Variants in SLCO6A1 observed in about 807,000 individuals in gnomAD.
The protein encoded by SLCO6A1 is solute carrier organic anion transporter family member 6A1.
Under a neutral mutation model 72.7 loss-of-function variants are expected in SLCO6A1, and 65 were observed. The ratio of observed to expected loss-of-function variants is 0.89; its 90% CI spans 0.73 to 1.10. The LOEUF (loss-of-function observed/expected upper bound fraction) is 1.10. SLCO6A1 is among the 50% of genes least tolerant of loss of function. The pLI, the probability that SLCO6A1 is intolerant of heterozygous loss-of-function variation, is 0.00. For synonymous variants in SLCO6A1, 314 were observed against 298.2 expected (o/e 1.05, Z -0.55); for missense variants, 874 against 872.6 (o/e 1.00, Z -0.02).
At chr5:102,488,911 G>A (rs1293424087) in intron 1 of SLCO6A1, among the ~76,000 whole-genome samples, 1 of 152,104 alleles carries the variant, frequency 6.6e-6, no homozygotes, top group Admixed American at 6.5e-5. Flanking sequence ...TAAGAATTAG[G>A]GCTTACATTC....
At chr5:102,467,190 T>C (rs540477490) in intron 4 of SLCO6A1, among the ~76,000 whole-genome samples, 92 of 152,220 alleles carry the variant, frequency 6.0e-4, no homozygotes, top group Admixed American at 1.8e-3. Context: ...TTGATTTTTG[T>C]ATATTGTGAT....
chr5:102,497,421 T>C (rs1449506086), intron 1 of SLCO6A1, among the ~76,000 whole-genome samples: 1 of 152,152 alleles, frequency 6.6e-6, no homozygotes, highest in Non-Finnish European at 1.5e-5. Context: ...CCAGAACTTC[T>C]CAGAGTTGGT....
chr5:102,471,685 A>T (rs1306991781), intron 4 of SLCO6A1, among the ~76,000 whole-genome samples: 1 of 152,218 alleles, frequency 6.6e-6, no homozygotes, highest in East Asian at 1.9e-4. Flanking sequence ...GTGTACACAA[A>T]CATTCAACAT....
At chr5:102,442,017 T>C (rs2112691556) in intron 6 of SLCO6A1, among the ~76,000 whole-genome samples, 1 of 152,266 alleles carries the variant, frequency 6.6e-6, no homozygotes, top group African/African-American at 2.4e-5. Context: ...TATTGAGAAC[T>C]GAATATTAAG....
chr5:102,423,791 A>C lies in SLCO6A1; in HGVS notation c.1277-3770T>G, dbSNP rs1230376858. Among the ~76,000 whole-genome samples the C allele has an allele frequency of 2.6e-5, 4 of 152,250 alleles. No individual in the cohort carries two copies. The East Asian group carries it at 7.7e-4, about 29-fold the overall frequency. ...AGCTGATCTAATAGACAACTACAGA[A>C]CTCTTCACCCCAAATTAACAGAATA... On this transcript the variant is annotated intron_variant, in intron 7 of 13. Coordinates refer to ENST00000506729, the MANE Select transcript of SLCO6A1 (RefSeq NM_173488.5).
intron 11 of SLCO6A1, among the ~76,000 whole-genome samples, chr5:102,390,419 A>G (rs1046804993): frequency 6.6e-6 from 1 of 152,150 alleles, no homozygotes; most frequent in African/African-American, 2.4e-5. Context: ...ACATTTTTAA[A>G]TTATATGCCT....
intron 7 of SLCO6A1, among the ~76,000 whole-genome samples, chr5:102,424,602 C>A (rs1748789395): frequency 6.6e-6 from 1 of 152,162 alleles, no homozygotes. Flanking sequence ...AGGCCAGTAA[C>A]AAGTTCTGAA....
chr5:102,377,689 A>C (rs1173757368), intron 12 of SLCO6A1, among the ~76,000 whole-genome samples: 1 of 151,816 alleles, frequency 6.6e-6, no homozygotes, highest in Non-Finnish European at 1.5e-5. Context: ...ATAGATAGAT[A>C]TAGAAACAAT....
chr5:102,489,882 G>A (rs1752597937), intron 1 of SLCO6A1, among the ~76,000 whole-genome samples: 1 of 152,102 alleles, frequency 6.6e-6, no homozygotes, highest in Non-Finnish European at 1.5e-5. Context: ...AGAAAATGTG[G>A]TATATATACA....
chr5:102,407,607 C>T (rs1051083098), intron 9 of SLCO6A1, among the ~76,000 whole-genome samples: 3 of 152,134 alleles, frequency 2.0e-5, no homozygotes, highest in Admixed American at 1.3e-4. Context: ...TTGGATAAAC[C>T]TCATCTAATT....
chr5:102,406,745 T>TAA lies in SLCO6A1; in HGVS notation c.1626+6243_1626+6244dup, dbSNP rs536925183. ...AGAATTTCACCAGAGATTTGTATTCTAAAAAAAAACATTAATACTAGAACT... is the reference window on the plus strand; with the variant it reads ...AGAATTTCACCAGAGATTTGTATTCTAAAAAAAAAAACATTAATACTAGAACT... On this transcript the variant is annotated intron_variant, in intron 9 of 13. Coordinates refer to ENST00000506729, the MANE Select transcript of SLCO6A1 (RefSeq NM_173488.5). Among the ~76,000 whole-genome samples the TAA allele has an allele frequency of 1.0e-3, 153 of 151,030 alleles. 2 individuals carry two copies. Among genetic ancestry groups the TAA allele is most frequent in the African/African-American group, 3.4e-3 (141 of 41,180 alleles).
chr5:102,395,074 T>C (rs1224388312), intron 10 of SLCO6A1, among the ~76,000 whole-genome samples: 1 of 152,194 alleles, frequency 6.6e-6, no homozygotes, highest in East Asian at 1.9e-4. Flanking sequence ...AGTTTTAGGG[T>C]ACATGTGCAC....
rs1746557688 is a variant in SLCO6A1 at position 102,388,720 on chromosome 5, T to C, written c.1985A>G (p.Lys662Arg). The change falls in exon 12 of 14, where the codon AAG becomes AGG. Residue 662 changes from lysine (K) to arginine (R), a missense_variant. By Grantham distance (26) the Lys-to-Arg change is conservative. Coordinates refer to ENST00000506729, the MANE Select transcript of SLCO6A1 (RefSeq NM_173488.5). ...GHTGRCWIYN[K>R]TKMAFLLVGI... Reference sequence around the variant, plus strand: ...TACCAATAAGAAAGCCATTTTTGTCTTGTTATATATCCAACAACGTCCTGT... The same window carrying C: ...TACCAATAAGAAAGCCATTTTTGTCCTGTTATATATCCAACAACGTCCTGT... 2 of 1,589,896 alleles carry C rather than the reference T, an allele frequency of 1.3e-6. No homozygotes were observed. Among genetic ancestry groups the C allele is most frequent in the African/African-American group, 2.7e-5 (2 of 73,684 alleles).
intron 8 of SLCO6A1, among the ~76,000 whole-genome samples, chr5:102,415,227 A>G: frequency 6.6e-6 from 1 of 152,142 alleles, no homozygotes; most frequent in Admixed American, 6.5e-5. Context: ...TATACAAACA[A>G]AACTAGAAGC....
At chr5:102,376,573 G>T (rs1745804957) in intron 12 of SLCO6A1, among the ~76,000 whole-genome samples, 1 of 152,002 alleles carries the variant, frequency 6.6e-6, no homozygotes, top group South Asian at 2.1e-4. Context: ...AAATAGAAAT[G>T]GATGTATTAA....
At chr5:102,439,852 T>G (rs1464088788) in intron 6 of SLCO6A1, among the ~76,000 whole-genome samples, 1 of 152,236 alleles carries the variant, frequency 6.6e-6, no homozygotes, top group Admixed American at 6.5e-5. Flanking sequence ...TTTCATTTTC[T>G]TCATTTAGCT....
chr5:102,438,103 G>A (rs1231796116), intron 7 of SLCO6A1, among the ~76,000 whole-genome samples: 1 of 151,890 alleles, frequency 6.6e-6, no homozygotes, highest in Non-Finnish European at 1.5e-5. Context: ...GAGAAAAAGT[G>A]GGAGGCAACA....
At chr5:102,451,307 C>T (rs1019095953) in intron 6 of SLCO6A1, among the ~76,000 whole-genome samples, 7 of 152,242 alleles carry the variant, frequency 4.6e-5, no homozygotes, top group African/African-American at 1.7e-4. Flanking sequence ...GGTGGGTTGG[C>T]TGTGCTAGCA....
At chr5:102,416,243 G>A (rs1163600249) in intron 8 of SLCO6A1, among the ~76,000 whole-genome samples, 2 of 151,714 alleles carry the variant, frequency 1.3e-5, no homozygotes, top group Non-Finnish European at 2.9e-5. Flanking sequence ...ATATCAAAAA[G>A]ATATCTGTAG....
Sources: gnomAD v4.1 joint callset for allele counts (sites outside exome capture counted in the v4.1 genomes callset) on GRCh38, gnomAD v4.1.1 for gene constraint, MANE v1.5 for transcripts, NCBI Gene and HGNC (gene_info 2026-07-23, HGNC 2026-07-21) for gene names.